Variants in SHISA9 observed in about 807,000 individuals in gnomAD.
SHISA9 encodes the protein shisa family member 9.
In SHISA9, 13 loss-of-function variants were observed where a neutral mutation model predicts 38.0. The observed-to-expected ratio is 0.34, with a 90% CI of 0.22 to 0.54. The LOEUF (loss-of-function observed/expected upper bound fraction) is 0.54. Among genes scored for constraint, SHISA9 ranks in the 20% least tolerant of loss-of-function variants. SHISA9 has a pLI of 0.91. For synonymous variants in SHISA9, 275 were observed against 242.0 expected, an observed-to-expected ratio of 1.14 and a Z score of -1.27; for missense variants, 538 against 575.8, an observed-to-expected ratio of 0.93 and a Z score of 0.67.
At chr16:13,139,774 C>T (rs1467218884) in intron 2 of SHISA9, among the ~76,000 whole-genome samples, 1 of 152,122 alleles carries the variant, frequency 6.6e-6, no homozygotes, top group Admixed American at 6.5e-5. Flanking sequence ...GTAAACAAGA[C>T]AAGTCAGGTT....
the SHISA9 span, among the ~76,000 whole-genome samples, chr16:13,264,170 CTTTTTTT>C: frequency 5.6e-5 from 7 of 124,342 alleles, no homozygotes; most frequent in African/African-American, 1.8e-4. Flanking sequence ...TGTTTTAAAT[CTTTTTTT>C]TTTTTTTTTT....
At chr16:13,345,992 T>C in the SHISA9 span, among the ~76,000 whole-genome samples, 1 of 152,182 alleles carries the variant, frequency 6.6e-6, no homozygotes, top group Non-Finnish European at 1.5e-5. Flanking sequence ...TCTGTAAGTT[T>C]AAGGGGTACA....
At chr16:13,481,052 CTGGAAAGACACCAAAGAGT>C in the SHISA9 span, among the ~76,000 whole-genome samples, 1 of 152,316 alleles carries the variant, frequency 6.6e-6, no homozygotes, top group South Asian at 2.1e-4. Flanking sequence ...AACCACAAAG[CTGGAAAGACACCAAAGAGT>C]TGGAAAGACA....
At position 13,182,402 on chromosome 16, in the gene SHISA9, A is replaced by G. The variant is rs865966730; in HGVS notation, c.692-20992A>G. Among the ~76,000 whole-genome samples, 3 of 152,308 alleles carry G rather than the reference A, an allele frequency of 2.0e-5. No homozygotes were observed. The East Asian group carries it at 5.8e-4, about 29-fold the overall frequency. On this transcript the variant is annotated intron_variant, in intron 2 of 4. Transcript: ENST00000558583. ...CCTTTCCTTTCCTCTTTGATCAGGC[A>G]TTCATATCACTTGCCCCTTTTTATT...
At chr16:13,370,004 T>C in the SHISA9 span, among the ~76,000 whole-genome samples, 2 of 152,094 alleles carry the variant, frequency 1.3e-5, no homozygotes, top group Non-Finnish European at 2.9e-5. Context: ...CTTTATCCAC[T>C]CATTGGTTGA....
At chr16:13,525,091 G>A in the SHISA9 span, among the ~76,000 whole-genome samples, 1 of 152,112 alleles carries the variant, frequency 6.6e-6, no homozygotes, top group African/African-American at 2.4e-5. Flanking sequence ...TAAAACAGAG[G>A]TTTCTGGCCC....
chr16:12,980,824 C>A (rs925238340), intron 2 of SHISA9, among the ~76,000 whole-genome samples: 1 of 151,942 alleles, frequency 6.6e-6, no homozygotes, highest in Non-Finnish European at 1.5e-5. Flanking sequence ...TTAGCTGTAT[C>A]CATTTTGTGT....
intron 4 of SHISA9, 77 bp downstream of exon 4, chr16:13,213,377 C>G (rs974892177): frequency 4.4e-6 from 6 of 1,374,424 alleles, no homozygotes; most frequent in Non-Finnish European, 6.1e-6. Flanking sequence ...GATAGAGAGT[C>G]CTGGTGTCTG....
intron 2 of SHISA9, among the ~76,000 whole-genome samples, chr16:12,937,943 C>T (rs1280491523): frequency 6.6e-6 from 1 of 152,106 alleles, no homozygotes; most frequent in Non-Finnish European, 1.5e-5. Context: ...GGATTGGTAC[C>T]AGCTGTGATT....
At chr16:13,074,624 A>G (rs778083687) in intron 2 of SHISA9, among the ~76,000 whole-genome samples, 8 of 150,502 alleles carry the variant, frequency 5.3e-5, no homozygotes, top group Non-Finnish European at 1.0e-4. Flanking sequence ...TATTGTTATC[A>G]TCATTACTAT....
intron 2 of SHISA9, among the ~76,000 whole-genome samples, chr16:12,931,554 C>A (rs2071462191): frequency 6.6e-6 from 1 of 152,180 alleles, no homozygotes. Flanking sequence ...CTTTCTGTTC[C>A]TGTGTTAACT....
In SHISA9 at chr16:12,902,849, CGTGTGTGTGT is replaced by C. The variant is rs3974950; in HGVS notation, c.563+232_563+241del. ...CTGAGCGTGTTCGTGTGTGTGTGAGCGTGTGTGTGTGTGTGTGTGACTCTGCTCCCTCACC... is the reference window on the plus strand; with the variant it reads ...CTGAGCGTGTTCGTGTGTGTGTGAGCGTGTGTGTGACTCTGCTCCCTCACC... On this transcript the variant is annotated intron_variant, in intron 1 of 4. Coordinates refer to ENST00000558583, the MANE Select transcript of SHISA9 (RefSeq NM_001145204.3). 10 of 492,980 alleles carry C rather than the reference CGTGTGTGTGT, an allele frequency of 2.0e-5. No homozygotes were observed. In the South Asian group the frequency reaches 2.5e-4, roughly 12 times the overall value. 30.5% of individuals were successfully genotyped at this position (492,980 alleles called of 1,614,324 possible).
the SHISA9 span, among the ~76,000 whole-genome samples, chr16:13,299,721 A>C: frequency 6.6e-6 from 1 of 151,760 alleles, no homozygotes; most frequent in Non-Finnish European, 1.5e-5. Context: ...AAAAAAAAAA[A>C]AAACAAAAAA....
chr16:12,932,554 T>C (rs182029143), intron 2 of SHISA9, among the ~76,000 whole-genome samples: 5 of 152,328 alleles, frequency 3.3e-5, no homozygotes, highest in Admixed American at 1.3e-4. Flanking sequence ...TTGGCCAGGC[T>C]GGTCTCGAGA....
intron 2 of SHISA9, among the ~76,000 whole-genome samples, chr16:12,972,041 TTGTGTGTG>T (rs72368949): frequency 1.3e-3 from 178 of 142,038 alleles, no homozygotes; most frequent in Middle Eastern, 3.6e-3. Context: ...CTCTTGGAGT[TTGTGTGTG>T]TGTGTGTGTG....
intron 2 of SHISA9, among the ~76,000 whole-genome samples, chr16:13,148,148 A>G (rs142443477): frequency 2.0e-5 from 3 of 152,228 alleles, no homozygotes; most frequent in East Asian, 1.9e-4. Flanking sequence ...ACATACCTAC[A>G]TGACCTTCGT....
chr16:13,354,824 C>T, the SHISA9 span, among the ~76,000 whole-genome samples: 284 of 152,172 alleles, frequency 1.9e-3, 1 homozygote, highest in African/African-American at 6.6e-3. Context: ...CAGTTGGACA[C>T]GATTGGCAGG....
At chr16:13,187,335 T>TTCTTTTC (rs1567239833) in intron 2 of SHISA9, among the ~76,000 whole-genome samples, 8 of 105,952 alleles carry the variant, frequency 7.6e-5, no homozygotes, top group African/African-American at 3.0e-4. Context: ...TTTCTTTTTT[T>TTCTTTTC]TTTTTTTTTT....
chr16:13,155,498 G>A (rs961459863), intron 2 of SHISA9, among the ~76,000 whole-genome samples: 1 of 152,160 alleles, frequency 6.6e-6, no homozygotes, highest in Non-Finnish European at 1.5e-5. Context: ...ACCCCTCTGA[G>A]GGAGATAATT....
Sources: allele counts gnomAD v4.1 joint callset (sites outside exome capture counted in the v4.1 genomes callset), GRCh38; gene constraint gnomAD v4.1.1; transcripts MANE v1.5; gene names NCBI Gene and HGNC (gene_info 2026-07-23, HGNC 2026-07-21).